TBC1D22A: variants seen among roughly 807,000 people sequenced by gnomAD.
TBC1D22A encodes the protein TBC1 domain family member 22A.
Under a neutral mutation model 60.2 loss-of-function variants are expected in TBC1D22A, and 38 were observed. The ratio of observed to expected loss-of-function variants is 0.63; its 90% CI spans 0.49 to 0.83. The LOEUF is 0.83. TBC1D22A is among the 40% of genes least tolerant of loss of function. TBC1D22A has a pLI of 0.00. For synonymous variants in TBC1D22A, 302 were observed against 281.7 expected (o/e 1.07, Z -0.72); for missense variants, 628 against 701.0 (o/e 0.90, Z 1.18).
At chr22:47,086,652 A>G (rs548660114) in intron 11 of TBC1D22A, among the ~76,000 whole-genome samples, 11 of 152,248 alleles carry the variant, frequency 7.2e-5, no homozygotes, top group Non-Finnish European at 1.5e-4. Context: ...CATAGGTAAT[A>G]TTATCTAATG....
intron 8 of TBC1D22A, among the ~76,000 whole-genome samples, chr22:46,919,161 C>T (rs948787270): frequency 1.3e-5 from 2 of 152,194 alleles, no homozygotes; most frequent in Non-Finnish European, 2.9e-5. Flanking sequence ...CCATCCTTCC[C>T]TTTTCTCTTG....
intron 4 of TBC1D22A, among the ~76,000 whole-genome samples, chr22:46,840,341 C>T (rs1172679021): frequency 4.6e-5 from 7 of 152,214 alleles, no homozygotes; most frequent in Admixed American, 1.3e-4. Context: ...TACAGATTAT[C>T]AATAGGTATA....
chr22:46,797,518 A>G lies in TBC1D22A; in HGVS notation c.535A>G (p.Thr179Ala), dbSNP rs146205023. 2.1e-4 allele frequency: 332 copies of G among 1,614,040 alleles called. 3 individuals are homozygous for G. The highest frequency in any genetic ancestry group is 2.4e-4 in the South Asian group (22 of 91,078). ...CTCGGCCACCGTCACGCTGGGTGGC[A>G]CATCTGACCCCAGCACTCTCAGCAG... is the stretch of plus-strand genomic sequence containing the variant. Reference protein sequence around the residue: ...PHSATVTLGGTSDPSTLSSSA... With the variant: ...PHSATVTLGGASDPSTLSSSA... The change falls in exon 4 of 13, where the codon ACA (threonine) becomes GCA (alanine). Residue 179 changes from threonine (T) to alanine (A), a missense_variant. By Grantham distance (58) the Thr-to-Ala change is moderately conservative. Transcript: ENST00000337137.
intron 12 of TBC1D22A, among the ~76,000 whole-genome samples, chr22:47,138,378 C>T (rs1326670145): frequency 6.6e-6 from 1 of 151,536 alleles, no homozygotes; most frequent in African/African-American, 2.4e-5. Context: ...CAGTAGGACA[C>T]ACAGACCCCA....
chr22:46,881,370 T>C (rs1035610837), intron 5 of TBC1D22A, among the ~76,000 whole-genome samples: 3 of 152,096 alleles, frequency 2.0e-5, no homozygotes, highest in African/African-American at 2.4e-5. Context: ...GCAGAACAGA[T>C]AGTAGAAGGC....
At chr22:46,932,292 C>T (rs528330788) in intron 8 of TBC1D22A, among the ~76,000 whole-genome samples, 1 of 152,358 alleles carries the variant, frequency 6.6e-6, no homozygotes, top group African/African-American at 2.4e-5. Flanking sequence ...GTGCTGTGAC[C>T]GTTCTCCCGG....
chr22:46,829,516 C>G (rs538908853), intron 4 of TBC1D22A, among the ~76,000 whole-genome samples: 1 of 152,168 alleles, frequency 6.6e-6, no homozygotes, highest in South Asian at 2.1e-4. Context: ...CTTACTAGCA[C>G]GGAGAGAATA....
chr22:47,062,976 C>T (rs899225851), intron 11 of TBC1D22A, among the ~76,000 whole-genome samples: 2 of 152,080 alleles, frequency 1.3e-5, no homozygotes, highest in Admixed American at 6.6e-5. Context: ...GAAACAGCAG[C>T]GAGCGCAGGA....
At chr22:47,000,454 C>T (rs571949877) in intron 10 of TBC1D22A, among the ~76,000 whole-genome samples, 16 of 152,260 alleles carry the variant, frequency 1.1e-4, no homozygotes, top group African/African-American at 3.4e-4. Flanking sequence ...CTTTGTCATC[C>T]CTAAACCTTT....
intron 8 of TBC1D22A, among the ~76,000 whole-genome samples, chr22:46,965,899 G>A (rs1048446897): frequency 2.6e-5 from 4 of 152,168 alleles, no homozygotes; most frequent in African/African-American, 9.6e-5. Flanking sequence ...ATCTCCACCC[G>A]CCTGTGCCCA....
chr22:46,979,951 A>G (rs144751426), intron 9 of TBC1D22A, among the ~76,000 whole-genome samples: 3 of 152,012 alleles, frequency 2.0e-5, no homozygotes, highest in East Asian at 3.9e-4. Context: ...TGGCATTCCC[A>G]TGGGAAGAGG....
chr22:47,110,218 A>G (rs2065796833), intron 11 of TBC1D22A, among the ~76,000 whole-genome samples: 1 of 152,074 alleles, frequency 6.6e-6, no homozygotes, highest in African/African-American at 2.4e-5. Context: ...GGTGGCTCAC[A>G]CTTGTAATCC....
At chr22:47,124,409 G>A (rs897617038) in intron 12 of TBC1D22A, among the ~76,000 whole-genome samples, 7 of 152,226 alleles carry the variant, frequency 4.6e-5, no homozygotes, top group African/African-American at 1.7e-4. Flanking sequence ...CTGGAGGACA[G>A]GCTGCCCACG....
At chr22:46,813,457 T>C (rs1042401162) in intron 4 of TBC1D22A, among the ~76,000 whole-genome samples, 1 of 152,254 alleles carries the variant, frequency 6.6e-6, no homozygotes, top group African/African-American at 2.4e-5. Flanking sequence ...ATTTTTACTT[T>C]AACTTTTTAT....
chr22:47,032,396 A>C (rs151003835), intron 10 of TBC1D22A, among the ~76,000 whole-genome samples: 28 of 152,298 alleles, frequency 1.8e-4, no homozygotes, highest in Non-Finnish European at 3.7e-4. Context: ...AGTCCCACCC[A>C]CACCAGGTCC....
chr22:46,775,540 G>T, intron 1 of TBC1D22A, among the ~76,000 whole-genome samples: 1 of 152,198 alleles, frequency 6.6e-6, no homozygotes, highest in Admixed American at 6.5e-5. Flanking sequence ...TTTATTGATG[G>T]TGCAGTAGGT....
chr22:46,925,682 T>A (rs1407407750), intron 8 of TBC1D22A, among the ~76,000 whole-genome samples: 1 of 152,256 alleles, frequency 6.6e-6, no homozygotes, highest in Non-Finnish European at 1.5e-5. Flanking sequence ...TATCTAACCA[T>A]TTTCCAGTGT....
chr22:46,916,166 G>A, intron 8 of TBC1D22A: 1 of 357,216 alleles, frequency 2.8e-6, no homozygotes, highest in South Asian at 2.4e-5. Context: ...TGTGGTTGAG[G>A]TTGACACACA....
Position 47,032,292 on chromosome 22 carries a change from G to A in TBC1D22A, c.1202-4779G>A, listed in dbSNP as rs191393368. 2.6e-5 allele frequency among the ~76,000 whole-genome samples: 4 copies of A among 152,342 alleles called. No homozygotes were observed. The East Asian group carries it at 7.7e-4, about 29-fold the overall frequency. On this transcript the variant is annotated intron_variant, in intron 10 of 12. Transcript: ENST00000337137. ...GTGCCCCGCACACATCACATGTGTG[G>A]TGGGCCATGGCCTGCCTTGGTGCTG...
Sources: gnomAD v4.1 joint callset for allele counts (sites outside exome capture counted in the v4.1 genomes callset) on GRCh38, gnomAD v4.1.1 for gene constraint, MANE v1.5 for transcripts, NCBI Gene and HGNC (gene_info 2026-07-23, HGNC 2026-07-21) for gene names.